The following C3orf18 variants were observed in gnomAD, a reference collection of about 807,000 sequenced individuals.
C3orf18 encodes chromosome 3 open reading frame 18.
C3orf18 carries 12 observed loss-of-function variants against 14.1 expected under a neutral mutation model. The ratio of observed to expected loss-of-function variants is 0.85; its 90% CI spans 0.55 to 1.38. C3orf18 has a LOEUF of 1.38. Among genes scored for constraint, C3orf18 ranks in the 40% most tolerant of loss-of-function variants. The probability of loss-of-function intolerance (pLI) is 0.00; values close to 1 mark genes in which losing one functional copy is unlikely to be tolerated. For synonymous variants in C3orf18, 82 were observed against 87.9 expected (o/e 0.93, Z 0.38); for missense variants, 196 against 213.9 (o/e 0.92, Z 0.52).
At position 50,565,361 on chromosome 3, in the gene C3orf18, T is replaced by C. The variant is rs535168741; in HGVS notation, c.234+105A>G. 9.0e-6 allele frequency: 8 copies of C among 892,824 alleles called. No individual in the cohort carries two copies. The East Asian group carries it at 2.1e-4, about 24-fold the overall frequency. The allele number at this position is 892,824 out of a possible 1,614,324, so 55.3% of individuals were successfully genotyped here. On this transcript the variant is annotated intron_variant, in intron 3 of 5. Coordinates refer to ENST00000357203, the MANE Select transcript of C3orf18 (RefSeq NM_016210.5). This position sits in a 1 kb window ranked among gnomAD's most constrained non-coding sequence, Gnocchi z 4.4. The stretch of plus-strand genomic sequence containing the variant: ...CAGCCTGCATGACAGAGCAAGACTC[T>C]GTCTCAAAAACAACAATAACAACAA...
At chr3:50,572,427 C>A (rs541522385), upstream of C3orf18, among the ~76,000 whole-genome samples, 1 of 152,354 alleles carries the variant, frequency 6.6e-6, no homozygotes, top group East Asian at 1.9e-4. Context: ...ATCAACCCAG[C>A]CTCTAGGTCT....
intron 3 of C3orf18, among the ~76,000 whole-genome samples, chr3:50,564,916 T>C (rs1294670426): frequency 6.6e-6 from 1 of 152,204 alleles, no homozygotes; most frequent in African/African-American, 2.4e-5. Context: ...GACTCTCCAC[T>C]TGGAACTCCT....
upstream of C3orf18, among the ~76,000 whole-genome samples, chr3:50,573,422 C>A (rs1701240565): frequency 6.6e-6 from 1 of 152,228 alleles, no homozygotes; most frequent in African/African-American, 2.4e-5. Context: ...TTTGCTGTCT[C>A]CGGCTTCCCA....
chr3:50,570,826 A>G, upstream of C3orf18: 1 of 338,384 alleles, frequency 3.0e-6, no homozygotes, highest in Non-Finnish European at 5.4e-6. Context: ...AAATGGAGTC[A>G]AGGGGGTGTC....
At chr3:50,562,418 TTCCC>T (rs1700038895) in intron 3 of C3orf18, 26 of 453,344 alleles carry the variant, frequency 5.7e-5, no homozygotes, top group South Asian at 3.6e-4. Flanking sequence ...CTTCAGCACA[TTCCC>T]TCCCCTCAAC....
intron 5 of C3orf18, among the ~76,000 whole-genome samples, chr3:50,560,086 C>T (rs756379166): frequency 5.9e-5 from 9 of 152,216 alleles, no homozygotes; most frequent in Admixed American, 2.6e-4. Context: ...GCCAGAAGTC[C>T]CAGTGGCTGG....
chr3:50,560,146 A>G (rs1559435333), intron 5 of C3orf18, among the ~76,000 whole-genome samples: 1 of 152,186 alleles, frequency 6.6e-6, no homozygotes, highest in Non-Finnish European at 1.5e-5. Flanking sequence ...AGGGGGCAAT[A>G]TATCTTGACC....
At chr3:50,570,683 A>T (rs1700850465), upstream of C3orf18, 1 of 159,906 alleles carries the variant, frequency 6.3e-6, no homozygotes, top group Non-Finnish European at 1.4e-5. Context: ...CTGTCCCCAC[A>T]TATGTGCCCT....
chr3:50,571,329 A>G, upstream of C3orf18: 1 of 1,583,906 alleles, frequency 6.3e-7, no homozygotes, highest in Non-Finnish European at 8.6e-7. Flanking sequence ...TTGGAGCCAA[A>G]ACAGTTAAGT....
intron 3 of C3orf18, among the ~76,000 whole-genome samples, chr3:50,563,485 T>C (rs1700109823): frequency 6.6e-6 from 1 of 152,090 alleles, no homozygotes. Context: ...CACCTTCCTT[T>C]CCAAATCTTC....
In C3orf18 at chr3:50,558,725, G is replaced by A. The variant is rs766584243; in HGVS notation, c.*932C>T. 12 of 1,289,648 alleles carry A rather than the reference G, an allele frequency of 9.3e-6. No homozygotes were observed. The highest frequency in any genetic ancestry group is 1.2e-5 in the Non-Finnish European group (12 of 988,830). 79.9% of individuals were successfully genotyped at this position (1,289,648 alleles called of 1,614,324 possible). A position where few individuals can be genotyped will look rare whatever the true frequency, so the allele number is the denominator to read the frequency against. On this transcript the variant is annotated 3_prime_UTR_variant, in exon 6 of 6. Transcript: ENST00000357203. ...GTGAGCCCAGTGAAACAATGCAGTGGAGAGAGGAACCGTGCTGTGCGTGCT... is the reference window on the plus strand; with the variant it reads ...GTGAGCCCAGTGAAACAATGCAGTGAAGAGAGGAACCGTGCTGTGCGTGCT...
chr3:50,568,268 C>T (rs1180893695), upstream of C3orf18, among the ~76,000 whole-genome samples: 1 of 152,178 alleles, frequency 6.6e-6, no homozygotes, highest in African/African-American at 2.4e-5. Flanking sequence ...TATACCCTCA[C>T]AATAGCTTCC....
intron 3 of C3orf18, 122 bp from the exon 4 acceptor site, chr3:50,561,869 GACACAT>G: frequency 1.1e-6 from 1 of 919,544 alleles, no homozygotes; most frequent in South Asian, 1.3e-5. Context: ...CCGTCCTAAT[GACACAT>G]ACACCACTCC....
intron 3 of C3orf18, chr3:50,562,378 G>A: frequency 2.4e-6 from 1 of 423,910 alleles, no homozygotes; most frequent in South Asian, 1.7e-5. Flanking sequence ...CCTGCCTGTG[G>A]CTCCCCAGGG....
In C3orf18 at chr3:50,565,148, C is replaced by G. The variant is rs1390488312; in HGVS notation, c.234+318G>C. Among the ~76,000 whole-genome samples the G allele has an allele frequency of 6.6e-6, 1 of 152,148 alleles. No homozygotes were observed. The highest frequency in any genetic ancestry group is 2.4e-5 in the African/African-American group (1 of 41,412). Reference sequence around the variant, plus strand: ...TTGGGAGGCCAACGGGGGCAGATCACTTGAGGCCAGGAGTTCAAGACCAGC... The same window carrying G: ...TTGGGAGGCCAACGGGGGCAGATCAGTTGAGGCCAGGAGTTCAAGACCAGC... On this transcript the variant is annotated intron_variant, in intron 3 of 5. Coordinates refer to ENST00000357203, the MANE Select transcript of C3orf18 (RefSeq NM_016210.5). The surrounding 1 kb of genome is among the most constrained non-coding windows in gnomAD (Gnocchi z 4.4).
chr3:50,562,611 G>A, intron 3 of C3orf18: 1 of 454,276 alleles, frequency 2.2e-6, no homozygotes, highest in South Asian at 1.6e-5. Context: ...AAAAGAACCA[G>A]AGACAGGCAG....
upstream of C3orf18, chr3:50,571,213 G>T: frequency 6.2e-7 from 1 of 1,613,912 alleles, no homozygotes; most frequent in Non-Finnish European, 8.5e-7. Flanking sequence ...ACCTCTGGCT[G>T]GGTTATCCAG....
chr3:50,558,602 C>T lies in C3orf18; in HGVS notation c.*1055G>A. The T allele has an allele frequency of 2.0e-6, 2 of 1,015,360 alleles. No individual in the cohort carries two copies. The highest frequency in any genetic ancestry group is 4.2e-4 in the Middle Eastern group (1 of 2,360). The allele number at this position is 1,015,360 out of a possible 1,614,324, so 62.9% of individuals were successfully genotyped here. A position where few individuals can be genotyped will look rare whatever the true frequency, so the allele number is the denominator to read the frequency against. On this transcript the variant is annotated 3_prime_UTR_variant, in exon 6 of 6. Coordinates refer to ENST00000357203, the MANE Select transcript of C3orf18 (RefSeq NM_016210.5). ...TTTCAGGCAGTCATAACTGCCCCCT[C>T]TAGCCTGCAGCCTGTGATTACTGCC...
chr3:50,559,351 G>A lies in C3orf18; in HGVS notation c.*306C>T, dbSNP rs1225290658. On this transcript the variant is annotated 3_prime_UTR_variant, in exon 6 of 6. Transcript: ENST00000357203. ...CCACATTAGCGGGGCAGACCCTGAT[G>A]TGAGGGATCTGGACAGGGGATGAGG... The A allele has an allele frequency of 1.5e-6, 2 of 1,302,348 alleles. No homozygotes were observed. The highest frequency in any genetic ancestry group is 3.0e-5 in the African/African-American group (2 of 66,476). 80.7% of individuals were successfully genotyped at this position (1,302,348 alleles called of 1,614,324 possible).
Sources: allele counts gnomAD v4.1 joint callset (sites outside exome capture counted in the v4.1 genomes callset), GRCh38; gene constraint gnomAD v4.1.1; non-coding constraint Gnocchi (gnomAD v3.1); transcripts MANE v1.5; gene names NCBI Gene and HGNC (gene_info 2026-07-23, HGNC 2026-07-21).